SCML2: variants seen among roughly 807,000 people sequenced by gnomAD.
SCML2 encodes Scm polycomb group protein like 2.
Under a neutral mutation model 48.4 loss-of-function variants are expected in SCML2, and 6 were observed. The ratio of observed to expected loss-of-function variants is 0.12; its 90% CI spans 0.07 to 0.24. SCML2 has a LOEUF of 0.24. Ranked by LOEUF, SCML2 falls within the 10% of genes least tolerant of loss-of-function variation. SCML2 has a pLI of 1.00. For synonymous variants in SCML2, 181 were observed against 189.5 expected (o/e 0.95, Z 0.37); for missense variants, 377 against 528.2 (o/e 0.71, Z 2.81).
chrX:18,340,750 C>T (rs1929985973), intron 1 of SCML2, among the ~76,000 whole-genome samples: 1 of 103,462 alleles, frequency 9.7e-6, no homozygotes, highest in African/African-American at 3.6e-5. Context: ...ACAGAGGCTG[C>T]AGTGAGCCAA....
chrX:18,294,871 A>T (rs1256713002), intron 7 of SCML2, among the ~76,000 whole-genome samples: 1 of 111,126 alleles, frequency 9.0e-6, no homozygotes, highest in Non-Finnish European at 1.9e-5. Context: ...ACTACTACTG[A>T]CAGCAACCTT....
At chrX:18,351,311 G>C in intron 1 of SCML2, among the ~76,000 whole-genome samples, 1 of 110,076 alleles carries the variant, frequency 9.1e-6, no homozygotes, top group East Asian at 2.8e-4. Flanking sequence ...TTTTCAAAAT[G>C]TCCAGGTTTT....
chrX:18,261,043 C>T (rs763780563), intron 8 of SCML2, among the ~76,000 whole-genome samples: 8 of 108,837 alleles, frequency 7.4e-5, no homozygotes, highest in Non-Finnish European at 1.5e-4. Flanking sequence ...ATAGAACATT[C>T]GATGTTGCTG....
In SCML2 at chrX:18,354,060, G is replaced by A. The variant is rs184848301; in HGVS notation, c.-25+532C>T. Among the ~76,000 whole-genome samples, 543 of 112,300 alleles carry A rather than the reference G, an allele frequency of 4.8e-3. 1 individual carries two copies. The highest frequency in any genetic ancestry group is 7.5e-3 in the Non-Finnish European group (397 of 52,985). Reference sequence around the variant, plus strand: ...TGAGCCACCGGCGCCCCCAGCCCCCGCCAGGAGCCCGGCGGCGCGCACCTT... The same window carrying A: ...TGAGCCACCGGCGCCCCCAGCCCCCACCAGGAGCCCGGCGGCGCGCACCTT... On this transcript the variant is annotated intron_variant, in intron 1 of 14. Coordinates refer to ENST00000251900, the MANE Select transcript of SCML2 (RefSeq NM_006089.3).
chrX:18,261,605 G>A (rs1162553441), intron 8 of SCML2, among the ~76,000 whole-genome samples: 1 of 109,146 alleles, frequency 9.2e-6, no homozygotes, highest in African/African-American at 3.5e-5. Context: ...AAAGATTAAA[G>A]TACCTGCCCC....
At chrX:18,293,525 T>A (rs760497561) in intron 7 of SCML2, among the ~76,000 whole-genome samples, 3 of 112,196 alleles carry the variant, frequency 2.7e-5, no homozygotes, top group Non-Finnish European at 5.6e-5. Context: ...TACTTTAACA[T>A]GGTTTGGACT....
At chrX:18,320,493 T>C (rs1602134622) in intron 5 of SCML2, 73 bp from the exon 6 acceptor site, 4 of 629,910 alleles carry the variant, frequency 6.4e-6, no homozygotes, top group East Asian at 6.8e-5. Context: ...GTATAAAAAA[T>C]AGGTTTCATT....
intron 13 of SCML2, among the ~76,000 whole-genome samples, chrX:18,245,578 G>C (rs1926415268): frequency 9.0e-6 from 1 of 111,445 alleles, no homozygotes; most frequent in Admixed American, 9.5e-5. Context: ...TCAAAGGCAA[G>C]GGTTCCCACT....
At chrX:18,287,686 A>T (rs1928102376) in intron 7 of SCML2, among the ~76,000 whole-genome samples, 1 of 112,128 alleles carries the variant, frequency 8.9e-6, no homozygotes, top group Non-Finnish European at 1.9e-5. Context: ...CTAATTTAGT[A>T]AAATTTACAT....
intron 7 of SCML2, among the ~76,000 whole-genome samples, chrX:18,295,219 C>T (rs1455186732): frequency 8.9e-6 from 1 of 111,854 alleles, no homozygotes. Flanking sequence ...ACCAGGGGTC[C>T]AGGGTATTGC....
chrX:18,254,863 G>A (rs997725499), intron 11 of SCML2, among the ~76,000 whole-genome samples: 2 of 111,516 alleles, frequency 1.8e-5, no homozygotes, highest in Non-Finnish European at 3.8e-5. Flanking sequence ...GGCGGAGGTT[G>A]CAGCGAGCCG....
chrX:18,345,704 T>C (rs1301935212), intron 1 of SCML2, among the ~76,000 whole-genome samples: 1 of 109,437 alleles, frequency 9.1e-6, no homozygotes, highest in Non-Finnish European at 1.9e-5. Context: ...AAACAATTTT[T>C]TGATAAAATT....
intron 7 of SCML2, among the ~76,000 whole-genome samples, chrX:18,270,572 C>A (rs947243983): frequency 2.3e-4 from 25 of 110,339 alleles, no homozygotes; most frequent in African/African-American, 8.3e-4. Context: ...ATCCCCAGCA[C>A]CTAGAATAAA....
intron 6 of SCML2, among the ~76,000 whole-genome samples, chrX:18,311,615 A>T (rs1479088365): frequency 8.9e-6 from 1 of 111,806 alleles, no homozygotes; most frequent in Non-Finnish European, 1.9e-5. Flanking sequence ...GTGTGGGTAA[A>T]ATGTAAGTAG....
chrX:18,304,633 A>G (rs922862930), intron 7 of SCML2, among the ~76,000 whole-genome samples: 1 of 112,301 alleles, frequency 8.9e-6, no homozygotes, highest in Non-Finnish European at 1.9e-5. Context: ...AATACCATGT[A>G]TAATTTTTAA....
chrX:18,257,401 T>TA (rs972915600), intron 10 of SCML2, among the ~76,000 whole-genome samples: 1 of 111,664 alleles, frequency 9.0e-6, no homozygotes, highest in East Asian at 2.8e-4. Context: ...TTCTTATAGA[T>TA]AAAATATATT....
intron 3 of SCML2, among the ~76,000 whole-genome samples, chrX:18,326,131 A>G (rs1929471715): frequency 8.9e-6 from 1 of 112,397 alleles, no homozygotes; most frequent in African/African-American, 3.2e-5. Context: ...AGATGTACAC[A>G]ATTGGCTCTC....
intron 7 of SCML2, among the ~76,000 whole-genome samples, chrX:18,269,562 AC>A (rs1448586766): frequency 9.0e-6 from 1 of 111,470 alleles, no homozygotes; most frequent in Non-Finnish European, 1.9e-5. Context: ...CAATTACTAA[AC>A]CCAAATAAAA....
intron 1 of SCML2, among the ~76,000 whole-genome samples, chrX:18,339,658 G>A (rs892839073): frequency 8.9e-6 from 1 of 111,854 alleles, no homozygotes; most frequent in South Asian, 3.7e-4. Flanking sequence ...AGGCTGCAGT[G>A]AGTTATGATC....
Sources: gnomAD v4.1 joint callset for allele counts (sites outside exome capture counted in the v4.1 genomes callset) on GRCh38, gnomAD v4.1.1 for gene constraint, MANE v1.5 for transcripts, NCBI Gene and HGNC (gene_info 2026-07-23, HGNC 2026-07-21) for gene names.